SUMF2: variants seen among roughly 807,000 people sequenced by gnomAD.
SUMF2 encodes inactive C-alpha-formylglycine-generating enzyme 2.
SUMF2 carries 45 observed loss-of-function variants against 44.8 expected under a neutral mutation model. That is an observed-to-expected ratio of 1.00 (90% confidence interval 0.79 to 1.29). The LOEUF (loss-of-function observed/expected upper bound fraction) is 1.29. Among genes scored for constraint, SUMF2 ranks in the 50% most tolerant of loss-of-function variants. The probability of loss-of-function intolerance (pLI) is 0.00; values close to 1 mark genes in which losing one functional copy is unlikely to be tolerated. For synonymous variants in SUMF2, 148 were observed against 150.4 expected (o/e 0.98, Z 0.12); for missense variants, 418 against 389.9 (o/e 1.07, Z -0.61).
At chr7:56,086,402 G>A in the SUMF2 span, among the ~76,000 whole-genome samples, 1 of 152,164 alleles carries the variant, frequency 6.6e-6, no homozygotes, top group Non-Finnish European at 1.5e-5. Context: ...GCCAGGCACG[G>A]TGGCTTATGC....
Position 56,079,905 on chromosome 7 carries a change from G to C in SUMF2, c.*293G>C, listed in dbSNP as rs757903251. 5 of 1,485,850 alleles carry C rather than the reference G, an allele frequency of 3.4e-6. No individual in the cohort carries two copies. Among genetic ancestry groups the C allele is most frequent in the East Asian group, 2.5e-5 (1 of 40,168 alleles). The allele number at this position is 1,485,850 out of a possible 1,614,324, so 92.0% of individuals were successfully genotyped here. On this transcript the variant is annotated 3_prime_UTR_variant, in exon 9 of 9. Coordinates refer to ENST00000434526, the MANE Select transcript of SUMF2 (RefSeq NM_015411.4). ...TGCAAACACACAAACAATTGGAACAGAGCACTCTGAAAGGCCATTTTTTAA... is the reference window on the plus strand; with the variant it reads ...TGCAAACACACAAACAATTGGAACACAGCACTCTGAAAGGCCATTTTTTAA...
At chr7:56,079,439 C>T (rs553081201) in intron 8 of SUMF2, 89 bp from the exon 9 acceptor site, 52 of 1,323,916 alleles carry the variant, frequency 3.9e-5, no homozygotes, top group African/African-American at 2.2e-4. Context: ...TGATCATGGC[C>T]GGCCCTGCGG....
At chr7:56,086,894 G>T in the SUMF2 span, 1 of 1,115,202 alleles carries the variant, frequency 9.0e-7, no homozygotes, top group Non-Finnish European at 1.4e-6. Context: ...TGGTCTCCAG[G>T]CAGCCCTGGG....
At chr7:56,079,051 T>G in intron 8 of SUMF2, 1 of 545,982 alleles carries the variant, frequency 1.8e-6, no homozygotes, top group African/African-American at 1.9e-5. Flanking sequence ...TGCGGCTAAT[T>G]TTTGTAGAGA....
At chr7:56,083,105 CAAAAAAAA>C (rs374270655), downstream of SUMF2, 4 of 444,962 alleles carry the variant, frequency 9.0e-6, no homozygotes, top group Non-Finnish European at 1.5e-5. Context: ...GACTCCATCT[CAAAAAAAA>C]AAAAAAAGAA....
intron 1 of SUMF2, among the ~76,000 whole-genome samples, 159 bp from the exon 2 acceptor site, chr7:56,068,323 C>T (rs1228085974): frequency 5.3e-5 from 8 of 152,078 alleles, no homozygotes; most frequent in Non-Finnish European, 8.8e-5. Context: ...GTGTGAGCCA[C>T]CGTGCCCAGC....
At chr7:56,074,855 T>C in intron 5 of SUMF2, 119 bp downstream of exon 5, 2 of 1,295,884 alleles carry the variant, frequency 1.5e-6, no homozygotes, top group Non-Finnish European at 2.2e-6. Context: ...CCCAACACTT[T>C]GGGAGGCTGG....
chr7:56,083,030 C>T (rs1032378771), downstream of SUMF2: 3 of 411,976 alleles, frequency 7.3e-6, no homozygotes, highest in East Asian at 9.2e-5. Context: ...CACTTGAACT[C>T]GGGAGGTGGA....
the SUMF2 span, chr7:56,087,045 T>C: frequency 6.3e-7 from 1 of 1,581,000 alleles, no homozygotes. Context: ...AATGGCTAGC[T>C]TGTCTCAAGT....
intron 8 of SUMF2, 124 bp from the exon 9 acceptor site, chr7:56,079,404 T>G: frequency 1.0e-6 from 1 of 971,526 alleles, no homozygotes; most frequent in Non-Finnish European, 1.5e-6. Context: ...TTCCAGACCA[T>G]GCTCTCCCCA....
chr7:56,078,449 G>A lies in SUMF2; in HGVS notation c.762G>A (p.Gly254=). ...AAEQDMRVLR[G]ASWIDTADGS... The stretch of plus-strand genomic sequence containing the variant: ...AGCAGGACATGCGCGTCCTCCGGGG[G>A]GCATCCTGGATCGACACAGCTGATG... Residue 254 remains glycine (G), a synonymous_variant, in exon 8 of 9, where the codon GGG becomes GGA. Transcript: ENST00000434526. 1 of 1,608,326 alleles carries A rather than the reference G, an allele frequency of 6.2e-7. No individual in the cohort carries two copies. The highest frequency in any genetic ancestry group is 1.1e-5 in the South Asian group (1 of 90,480).
chr7:56,081,711 C>A (rs747445152), downstream of SUMF2: 2 of 1,613,836 alleles, frequency 1.2e-6, no homozygotes, highest in East Asian at 4.5e-5. The surrounding 1 kb of genome is among the most constrained non-coding windows in gnomAD (Gnocchi z 4.6). Context: ...AGGCCTCTTC[C>A]GCTGTGTAGC....
intron 5 of SUMF2, 163 bp from the exon 6 acceptor site, chr7:56,076,671 A>C: frequency 1.7e-6 from 1 of 598,364 alleles, no homozygotes; most frequent in Middle Eastern, 2.6e-4. Context: ...AATGCAGTTC[A>C]GCGAGTGGAG....
intron 1 of SUMF2, among the ~76,000 whole-genome samples, chr7:56,068,258 T>C (rs940272906): frequency 2.2e-4 from 34 of 152,042 alleles, no homozygotes; most frequent in African/African-American, 8.2e-4. Flanking sequence ...CAGGATGGTC[T>C]TGATCTGACC....
chr7:56,083,221 C>T (rs1796100030), downstream of SUMF2: 5 of 1,495,126 alleles, frequency 3.3e-6, no homozygotes, highest in South Asian at 5.7e-5. Flanking sequence ...CTCTATTCTG[C>T]AGATGGTTGA....
intron 2 of SUMF2, among the ~76,000 whole-genome samples, 172 bp from the exon 3 acceptor site, chr7:56,072,825 T>C (rs1795268303): frequency 6.6e-6 from 1 of 152,236 alleles, no homozygotes; most frequent in Admixed American, 6.5e-5. Context: ...GAATTCGTTG[T>C]ATTCTAATTT....
rs980635894 is a variant in SUMF2, at chr7:56,074,329, G to T, written c.384+111G>T. ...CCAGGAACACTGAGTTTCAAAGAAG[G>T]ATAGGGGAATATCAGGGAAAGCGCT... On this transcript the variant is annotated intron_variant, in intron 4 of 8. Coordinates refer to ENST00000434526, the MANE Select transcript of SUMF2 (RefSeq NM_015411.4). The T allele has an allele frequency of 3.2e-6, 4 of 1,252,466 alleles. 1 individual carries two copies. The East Asian group carries it at 9.3e-5, about 29-fold the overall frequency. The allele number at this position is 1,252,466 out of a possible 1,614,324, so 77.6% of individuals were successfully genotyped here.
At chr7:56,065,894 C>A (rs1794752144) in intron 1 of SUMF2, among the ~76,000 whole-genome samples, 1 of 151,914 alleles carries the variant, frequency 6.6e-6, no homozygotes, top group Admixed American at 6.6e-5. Flanking sequence ...GCCTGCCCAA[C>A]ATGGTGAAAC....
Position 56,079,769 on chromosome 7 carries a change from G to T in SUMF2, c.*157G>T. On this transcript the variant is annotated 3_prime_UTR_variant, in exon 9 of 9. Transcript: ENST00000434526. ...CCTCTGTGGCAGGCGCCTCTCACCA[G>T]GGCAGGAGAGGACTCAGCCTCCTGT... The T allele has an allele frequency of 6.4e-7, 1 of 1,558,060 alleles. No homozygotes were observed. The highest frequency in any genetic ancestry group is 8.7e-7 in the Non-Finnish European group (1 of 1,150,042).
Sources: allele counts gnomAD v4.1 joint callset (sites outside exome capture counted in the v4.1 genomes callset), GRCh38; gene constraint gnomAD v4.1.1; non-coding constraint Gnocchi (gnomAD v3.1); transcripts MANE v1.5; gene names NCBI Gene and HGNC (gene_info 2026-07-23, HGNC 2026-07-21).